Variants in KDM3A observed in about 807,000 individuals in gnomAD.
The protein encoded by KDM3A is lysine demethylase 3A.
Under a neutral mutation model 158.0 loss-of-function variants are expected in KDM3A, and 60 were observed. That is an observed-to-expected ratio of 0.38 (90% CI 0.31 to 0.47). The LOEUF (loss-of-function observed/expected upper bound fraction) is 0.47, where lower values mean the gene tolerates loss of function less well. KDM3A is among the 20% of genes least tolerant of loss of function. The pLI, the probability that KDM3A is intolerant of heterozygous loss-of-function variation, is 0.99. For synonymous variants in KDM3A, 608 were observed against 549.3 expected (o/e 1.11, Z -1.49); for missense variants, 1,319 against 1,574.3 (o/e 0.84, Z 2.74).
rs114134559 is a variant in KDM3A at position 86,466,869 on chromosome 2, A to C, written c.1505A>C (p.Asn502Thr). 1.4e-5 allele frequency: 23 copies of C among 1,601,504 alleles called. No homozygotes were observed. The highest frequency in any genetic ancestry group is 8.5e-7 in the Non-Finnish European group (1 of 1,174,762). ...GAAAGCTGTTGTTCAAGAAGCAACA[A>C]TAAAATCCAGAATGGTGAGTGTTTC... ...DNESCCSRSN[N>T]KIQNAPSRKS... Residue 502 changes from asparagine (N) to threonine (T), a missense_variant, in exon 10 of 26, where the codon AAT (asparagine) becomes ACT (threonine). Coordinates refer to ENST00000312912, the MANE Select transcript of KDM3A (RefSeq NM_018433.6).
chr2:86,484,853 ATTG>A (rs1393993214), intron 19 of KDM3A, 86 bp from the exon 20 acceptor site: 13 of 690,598 alleles, frequency 1.9e-5, no homozygotes, highest in African/African-American at 1.6e-4. Flanking sequence ...TTTTATTTGT[ATTG>A]TTGAGGCATA....
chr2:86,485,138 A>G, intron 20 of KDM3A, 109 bp downstream of exon 20: 2 of 646,148 alleles, frequency 3.1e-6, no homozygotes, highest in South Asian at 3.9e-5. Context: ...AAAGTTCTGT[A>G]ATTATACTGC....
intron 20 of KDM3A, 29 bp downstream of exon 20, chr2:86,485,058 T>TCA: frequency 8.3e-7 from 1 of 1,208,760 alleles, no homozygotes; most frequent in South Asian, 1.2e-5. Flanking sequence ...GGAGAGATGA[T>TCA]TCTGTCCTTC....
Position 86,489,674 on chromosome 2 carries a change from G to T in KDM3A, c.3573+15G>T. ...TTCTTAAAAAGGTGTGCTGCTTATG[G>T]CATGTGTGAACAGAGGCATAAGGAA... On this transcript the variant is annotated intron_variant, in intron 23 of 25. Transcript: ENST00000312912. 1.2e-6 allele frequency: 2 copies of T among 1,604,282 alleles called. No homozygotes were observed. Among genetic ancestry groups the T allele is most frequent in the Non-Finnish European group, 1.7e-6 (2 of 1,175,514 alleles).
At chr2:86,481,613 G>A (rs1405070752) in intron 16 of KDM3A, among the ~76,000 whole-genome samples, 3 of 151,980 alleles carry the variant, frequency 2.0e-5, no homozygotes, top group Non-Finnish European at 4.4e-5. Flanking sequence ...GAAAAAAAAT[G>A]TGTAAAGAGA....
chr2:86,442,098 T>C lies in KDM3A; in HGVS notation c.51T>C (p.Phe17=). ...GGCCGGTATTGGTGGGGAGGAGGTTTCTCAGTCTGTCCGCAGCCGACGGCA... is the reference window on the plus strand; with the variant it reads ...GGCCGGTATTGGTGGGGAGGAGGTTCCTCAGTCTGTCCGCAGCCGACGGCA... ...ESWPVLVGRR[F]LSLSAADGSD... The change falls in exon 2 of 26, where the codon TTT becomes TTC. Residue 17 remains phenylalanine (F), a synonymous_variant. Coordinates refer to ENST00000312912, the MANE Select transcript of KDM3A (RefSeq NM_018433.6). 2 of 1,614,096 alleles carry C rather than the reference T, an allele frequency of 1.2e-6. No individual in the cohort carries two copies. The highest frequency in any genetic ancestry group is 1.7e-6 in the Non-Finnish European group (2 of 1,179,996).
intron 2 of KDM3A, among the ~76,000 whole-genome samples, chr2:86,449,093 T>C (rs1443448912): frequency 6.6e-6 from 1 of 152,218 alleles, no homozygotes; most frequent in Non-Finnish European, 1.5e-5. Flanking sequence ...AAAAGTATTA[T>C]GCAGGTCAGA....
At chr2:86,481,492 G>T (rs1425047849) in intron 16 of KDM3A, among the ~76,000 whole-genome samples, 1 of 150,726 alleles carries the variant, frequency 6.6e-6, no homozygotes, top group East Asian at 2.0e-4. Context: ...TGTTTGTTTG[G>T]TTTTGTTTTT....
In KDM3A at chr2:86,478,005, A is replaced by C. The variant is rs911454416; in HGVS notation, c.2068A>C (p.Met690Leu). The C allele has an allele frequency of 2.5e-6, 4 of 1,614,146 alleles. No individual in the cohort carries two copies. In the East Asian group the frequency reaches 6.7e-5, roughly 27 times the overall value. The change falls in exon 13 of 26, where the codon ATG becomes CTG. Residue 690 changes from methionine to leucine, a missense_variant. By Grantham distance (15) the Met-to-Leu change is conservative. Coordinates refer to ENST00000312912, the MANE Select transcript of KDM3A (RefSeq NM_018433.6). ...TGGAGTATGTGTGGACTGCTACCGG[A>C]TGAAGAGAAAGAATTGCCAACAGGG... ...GFGVCVDCYR[M>L]KRKNCQQGAA...
At chr2:86,459,735 C>T (rs1672852053) in intron 8 of KDM3A, among the ~76,000 whole-genome samples, 1 of 152,068 alleles carries the variant, frequency 6.6e-6, no homozygotes. Flanking sequence ...ATCCTGTCTC[C>T]TTGATTCAAA....
At chr2:86,470,488 T>C (rs1673354815) in intron 11 of KDM3A, 80 bp downstream of exon 11, 3 of 1,174,360 alleles carry the variant, frequency 2.6e-6, no homozygotes, top group Admixed American at 3.8e-5. Flanking sequence ...TGTTACTCTT[T>C]TATCAACAGT....
In KDM3A at chr2:86,466,627, G is replaced by A. The variant is rs568759133; in HGVS notation, c.1263G>A (p.Lys421=). 3 of 1,613,902 alleles carry A rather than the reference G, an allele frequency of 1.9e-6. No individual in the cohort carries two copies. Among genetic ancestry groups the A allele is most frequent in the East Asian group, 2.2e-5 (1 of 44,878 alleles). Residue 421 remains lysine (K), a synonymous_variant, in exon 10 of 26, where the codon AAG becomes AAA. Transcript: ENST00000312912. ...TTCCTAAGGAGTGCTTACCTACAAA[G>A]GCTTCTTCTAAGGCAGAATTGGAAA... ...TGLPKECLPT[K]ASSKAELEIA...
intron 3 of KDM3A, 134 bp downstream of exon 3, chr2:86,450,096 C>A: frequency 1.1e-6 from 1 of 907,660 alleles, no homozygotes; most frequent in Non-Finnish European, 1.7e-6. Context: ...CTTTTAAGAA[C>A]TCTGCACTTC....
In KDM3A at chr2:86,481,984, T is replaced by C; in HGVS notation, c.2567T>C (p.Leu856Pro). 6.2e-7 allele frequency: 1 copy of C among 1,613,966 alleles called. No homozygotes were observed. The highest frequency in any genetic ancestry group is 8.5e-7 in the Non-Finnish European group (1 of 1,179,902). The change falls in exon 17 of 26, where the codon CTC becomes CCC. Residue 856 changes from leucine to proline, a missense_variant. Around this residue, in one of 4 missense-constraint regions of KDM3A, gnomAD observed 368 missense variants for 415.8 expected, o/e 0.89. Transcript: ENST00000312912. Reference protein sequence around the residue: ...LKNEIKCLPPLPPLSKSSTVL... With the variant: ...LKNEIKCLPPPPPLSKSSTVL... The stretch of plus-strand genomic sequence containing the variant: ...AATGAAATCAAATGCCTTCCACCCC[T>C]CCCACCTTTAAGCAAATCCAGCACA...
At chr2:86,487,177 G>C (rs1674220475) in intron 21 of KDM3A, 1 of 152,208 alleles carries the variant, frequency 6.6e-6, no homozygotes, top group African/African-American at 2.4e-5. Context: ...GTGGGTATCT[G>C]AGAAATTTTC....
intron 8 of KDM3A, among the ~76,000 whole-genome samples, chr2:86,463,220 G>GA: frequency 6.6e-6 from 1 of 152,262 alleles, no homozygotes; most frequent in South Asian, 2.1e-4. Flanking sequence ...AGACGATTGA[G>GA]AAAGGTATAT....
intron 2 of KDM3A, chr2:86,442,496 C>A: frequency 2.7e-6 from 1 of 374,250 alleles, no homozygotes; most frequent in Admixed American, 4.4e-5. Context: ...TGCTGTGTCC[C>A]ACCAGGACTG....
chr2:86,454,226 G>A (rs1026426879), intron 4 of KDM3A, among the ~76,000 whole-genome samples: 2 of 152,200 alleles, frequency 1.3e-5, no homozygotes, highest in South Asian at 4.1e-4. Context: ...TTCTTACCAG[G>A]AAGGGAGCTG....
At chr2:86,444,512 G>A (rs979599273) in intron 2 of KDM3A, among the ~76,000 whole-genome samples, 69 of 152,024 alleles carry the variant, frequency 4.5e-4, no homozygotes, top group African/African-American at 1.6e-3. Context: ...TTTTAGAGTT[G>A]GGGGGTCTTG....
Sources: allele counts gnomAD v4.1 joint callset (sites outside exome capture counted in the v4.1 genomes callset), GRCh38; gene constraint gnomAD v4.1.1; regional missense constraint gnomAD v4.1.1; transcripts MANE v1.5; gene names NCBI Gene and HGNC (gene_info 2026-07-23, HGNC 2026-07-21).